Variants in DYNC2I2 observed in about 807,000 individuals in gnomAD.
The protein encoded by DYNC2I2 is cytoplasmic dynein 2 intermediate chain 2.
DYNC2I2 carries 39 observed loss-of-function variants against 52.0 expected under a neutral mutation model. The observed-to-expected ratio is 0.75, with a 90% CI of 0.58 to 0.98. The LOEUF is 0.98. Among genes scored for constraint, DYNC2I2 ranks in the 50% least tolerant of loss-of-function variants. The pLI, the probability that DYNC2I2 is intolerant of heterozygous loss-of-function variation, is 0.00. For synonymous variants in DYNC2I2, 359 were observed against 321.1 expected, an observed-to-expected ratio of 1.12 and a Z score of -1.26; for missense variants, 743 against 728.4, an observed-to-expected ratio of 1.02 and a Z score of -0.23.
chr9:128,678,803 C>G, the DYNC2I2 span, among the ~76,000 whole-genome samples: 2 of 149,980 alleles, frequency 1.3e-5, no homozygotes, highest in Non-Finnish European at 3.0e-5. Flanking sequence ...GGCGTGGTGG[C>G]TCACACCTGT....
At chr9:128,635,464 T>C in intron 5 of DYNC2I2, 194 bp downstream of exon 5, 2 of 800,152 alleles carry the variant, frequency 2.5e-6, no homozygotes, top group South Asian at 3.6e-5. Flanking sequence ...ACTCGGTGCC[T>C]GCAGAGGAGG....
Position 128,656,758 on chromosome 9 carries a change from C to A in DYNC2I2, c.-32G>T, listed in dbSNP as rs750799137. 218 of 1,330,322 alleles carry A rather than the reference C, an allele frequency of 1.6e-4. 1 individual carries two copies. Among genetic ancestry groups the A allele is most frequent in the Non-Finnish European group, 9.7e-5 (101 of 1,039,538 alleles). 82.4% of individuals were successfully genotyped at this position (1,330,322 alleles called of 1,614,324 possible). A position where few individuals can be genotyped will look rare whatever the true frequency, so the allele number is the denominator to read the frequency against. On this transcript the variant is annotated 5_prime_UTR_variant, in exon 1 of 9. Coordinates refer to ENST00000372715, the MANE Select transcript of DYNC2I2 (RefSeq NM_052844.4). Reference sequence around the variant, plus strand: ...GGTTCCGCCCTCTCGTGCGGACGCACTCAGGCGCGACCTCCGCCCCTACGC... The same window carrying A: ...GGTTCCGCCCTCTCGTGCGGACGCAATCAGGCGCGACCTCCGCCCCTACGC...
the DYNC2I2 span, among the ~76,000 whole-genome samples, chr9:128,662,181 C>T: frequency 6.6e-6 from 1 of 150,954 alleles, no homozygotes; most frequent in Non-Finnish European, 1.5e-5. Context: ...TGCAGTGAGC[C>T]GAGATTGCGC....
At chr9:128,662,959 C>T in the DYNC2I2 span, among the ~76,000 whole-genome samples, 1 of 151,888 alleles carries the variant, frequency 6.6e-6, no homozygotes, top group South Asian at 2.1e-4. Flanking sequence ...CGTGGGCCAC[C>T]ACACCTGGCT....
intron 1 of DYNC2I2, among the ~76,000 whole-genome samples, chr9:128,646,174 G>A (rs978967264): frequency 3.3e-5 from 5 of 152,164 alleles, no homozygotes; most frequent in Non-Finnish European, 7.3e-5. Context: ...TATTGATGAA[G>A]GTGGCCGCAC....
chr9:128,638,267 C>T (rs549451473), intron 2 of DYNC2I2, among the ~76,000 whole-genome samples: 1 of 150,818 alleles, frequency 6.6e-6, no homozygotes, highest in Admixed American at 6.6e-5. Context: ...GCCTGTAATC[C>T]CAGCACTTTG....
the DYNC2I2 span, among the ~76,000 whole-genome samples, chr9:128,669,637 C>T: frequency 1.3e-5 from 2 of 152,108 alleles, no homozygotes; most frequent in East Asian, 1.9e-4. Context: ...GCATAGGTTG[C>T]GGTGAGCCGA....
At chr9:128,659,368 G>A (rs181455420), upstream of DYNC2I2, among the ~76,000 whole-genome samples, 62 of 151,798 alleles carry the variant, frequency 4.1e-4, no homozygotes, top group African/African-American at 1.3e-3. Flanking sequence ...GGTGGCGGGC[G>A]CCTGTAGTCC....
chr9:128,652,117 C>G (rs756824478), intron 1 of DYNC2I2: 1 of 151,324 alleles, frequency 6.6e-6, no homozygotes, highest in African/African-American at 2.5e-5. Context: ...ACCAGAGGAA[C>G]AAGACAGACC....
At chr9:128,662,981 AT>A in the DYNC2I2 span, among the ~76,000 whole-genome samples, 1 of 145,354 alleles carries the variant, frequency 6.9e-6, no homozygotes, top group Admixed American at 7.0e-5. Context: ...ATTTTTGTAT[AT>A]TTGGTAGAGA....
chr9:128,635,726 G>A lies in DYNC2I2; in HGVS notation c.745C>T (p.Arg249Cys), dbSNP rs146276335. ...SGEVLVWDLS[R>C]LEDPLLWRTG... ...CGCCACAGCAGCGGGTCCTCAAGAC[G>A]GCTCAGGTCCCACACCAACACCTCA... The change falls in exon 5 of 9, where the codon CGT (arginine) becomes TGT (cysteine). Residue 249 changes from arginine (R) to cysteine (C), a missense_variant. Arg to Cys is a radical substitution (Grantham distance 180). Transcript: ENST00000372715. 4.0e-5 allele frequency: 65 copies of A among 1,613,120 alleles called. No individual in the cohort carries two copies. The East Asian group carries it at 1.1e-3, about 28-fold the overall frequency.
chr9:128,644,811 A>G (rs577991153), intron 1 of DYNC2I2, among the ~76,000 whole-genome samples: 1 of 152,304 alleles, frequency 6.6e-6, no homozygotes, highest in South Asian at 2.1e-4. Context: ...CCTCTGCCAC[A>G]TTTTGGCAAT....
chr9:128,675,579 TAGTC>T, the DYNC2I2 span, among the ~76,000 whole-genome samples: 2 of 152,168 alleles, frequency 1.3e-5, no homozygotes, highest in African/African-American at 2.4e-5. Flanking sequence ...GGGTAATGCT[TAGTC>T]AGCGCCACAT....
chr9:128,644,492 T>C (rs994338972), intron 1 of DYNC2I2, among the ~76,000 whole-genome samples: 1 of 152,134 alleles, frequency 6.6e-6, no homozygotes, highest in Non-Finnish European at 1.5e-5. Flanking sequence ...TTATCTAGGC[T>C]TGTCTCCAAC....
chr9:128,640,367 G>A (rs945858094), intron 2 of DYNC2I2, among the ~76,000 whole-genome samples: 6 of 152,152 alleles, frequency 3.9e-5, no homozygotes, highest in Non-Finnish European at 8.8e-5. Context: ...CACCGTACAT[G>A]GGGAGGCAGG....
intron 6 of DYNC2I2, 35 bp from the exon 7 acceptor site, chr9:128,634,956 A>G (rs1467590433): frequency 6.2e-7 from 1 of 1,607,122 alleles, no homozygotes. Context: ...GTCAGAGCCA[A>G]GGGCATCAGA....
rs563443541 is a variant in DYNC2I2, at chr9:128,646,986, G to A, written c.187-6047C>T. Among the ~76,000 whole-genome samples the A allele has an allele frequency of 5.9e-5, 9 of 151,984 alleles. No homozygotes were observed. The South Asian group carries it at 1.2e-3, about 21-fold the overall frequency. Reference sequence around the variant, plus strand: ...CTAAAAATACAAAAATCAGCCAGGCGTGGTGGAGCGTGCCTGTAATCCCAG... The same window carrying A: ...CTAAAAATACAAAAATCAGCCAGGCATGGTGGAGCGTGCCTGTAATCCCAG... On this transcript the variant is annotated intron_variant, in intron 1 of 8. Coordinates refer to ENST00000372715, the MANE Select transcript of DYNC2I2 (RefSeq NM_052844.4).
intron 1 of DYNC2I2, among the ~76,000 whole-genome samples, chr9:128,642,025 C>G (rs888817887): frequency 1.3e-5 from 2 of 152,040 alleles, no homozygotes; most frequent in Non-Finnish European, 2.9e-5. Flanking sequence ...CGGTGGCTCA[C>G]GCCTGTAATC....
chr9:128,634,703 A>G lies in DYNC2I2; in HGVS notation c.1200T>C (p.Cys400=), dbSNP rs751131664. ...GCCCTACGTACCTGTGGAAGGGGGA[A>G]CAGCTCACAGAGTAGATGGGACCGC... ...PHGGPIYSVS[C]SPFHRNLFLS... The change falls in exon 7 of 9, where the codon TGT becomes TGC. Residue 400 remains cysteine (C), a synonymous_variant. Transcript: ENST00000372715. 3 of 1,572,042 alleles carry G rather than the reference A, an allele frequency of 1.9e-6. No individual in the cohort carries two copies. The highest frequency in any genetic ancestry group is 1.2e-5 in the South Asian group (1 of 85,642).
Sources: gnomAD v4.1 joint callset for allele counts (sites outside exome capture counted in the v4.1 genomes callset) on GRCh38, gnomAD v4.1.1 for gene constraint, MANE v1.5 for transcripts, NCBI Gene and HGNC (gene_info 2026-07-23, HGNC 2026-07-21) for gene names.